Variants in KLHL29 observed in about 807,000 individuals in gnomAD.
KLHL29 encodes kelch like family member 29.
Under a neutral mutation model 80.4 loss-of-function variants are expected in KLHL29, and 21 were observed. The observed-to-expected ratio is 0.26, with a 90% CI of 0.19 to 0.38. The LOEUF is 0.38. Ranked by LOEUF, KLHL29 falls within the 10% of genes least tolerant of loss-of-function variation. KLHL29 has a pLI of 1.00. For missense variants in KLHL29, 867 were observed against 1,223.9 expected (o/e 0.71, Z 4.35); for synonymous variants, 511 against 526.8 (o/e 0.97, Z 0.41).
At chr2:23,388,231 G>A (rs1666233216) in intron 1 of KLHL29, among the ~76,000 whole-genome samples, 1 of 152,206 alleles carries the variant, frequency 6.6e-6, no homozygotes, top group Non-Finnish European at 1.5e-5. Flanking sequence ...AGGTTTGTGG[G>A]AGGTTTATTG....
Position 23,696,439 on chromosome 2 carries a change from T to C in KLHL29, c.2031T>C (p.Asn677=), listed in dbSNP as rs1215219437. The C allele has an allele frequency of 1.3e-6, 2 of 1,551,064 alleles. No individual in the cohort carries two copies. The highest frequency in any genetic ancestry group is 2.4e-5 in the East Asian group (1 of 40,922). ...SRMTVPRCRH[N]SLVYDGKIYT... ...TGACAGTCCCCCGCTGTCGGCACAATAGCCTCGTCTACGATGGGAAGATTT... is the reference window on the plus strand; with the variant it reads ...TGACAGTCCCCCGCTGTCGGCACAACAGCCTCGTCTACGATGGGAAGATTT... Residue 677 remains asparagine (N), a synonymous_variant, in exon 11 of 14, where the codon AAT becomes AAC. Transcript: ENST00000486442. This position sits in a 1 kb window ranked among gnomAD's most constrained non-coding sequence, Gnocchi z 5.5.
At chr2:23,441,497 T>A (rs979658565) in intron 1 of KLHL29, among the ~76,000 whole-genome samples, 1 of 135,392 alleles carries the variant, frequency 7.4e-6, no homozygotes, top group African/African-American at 2.9e-5. Flanking sequence ...ATAATAATAA[T>A]TAATAATAAA....
intron 1 of KLHL29, among the ~76,000 whole-genome samples, chr2:23,386,624 G>A (rs561611386): frequency 1.3e-5 from 2 of 152,230 alleles, no homozygotes; most frequent in East Asian, 3.9e-4. Flanking sequence ...ATGGCCTCGG[G>A]GGGCCGGGGG....
chr2:23,392,845 T>G (rs989881365), intron 1 of KLHL29, among the ~76,000 whole-genome samples: 1 of 152,230 alleles, frequency 6.6e-6, no homozygotes, highest in Non-Finnish European at 1.5e-5. Context: ...CTATACTAAT[T>G]AACATTTTAT....
intron 1 of KLHL29, among the ~76,000 whole-genome samples, chr2:23,411,379 T>TGTGTG (rs1553319829): frequency 9.2e-6 from 1 of 108,944 alleles, no homozygotes; most frequent in South Asian, 4.2e-4. Context: ...GTTGCAAAAA[T>TGTGTG]TGTGTGTGTG....
At chr2:23,612,667 G>A (rs1223574987) in intron 3 of KLHL29, among the ~76,000 whole-genome samples, 5 of 152,084 alleles carry the variant, frequency 3.3e-5, no homozygotes, top group East Asian at 3.9e-4. Context: ...TCTTGAACCC[G>A]GGAGGCTGAG....
At chr2:23,627,055 A>C (rs1268574886) in intron 3 of KLHL29, among the ~76,000 whole-genome samples, 1 of 152,082 alleles carries the variant, frequency 6.6e-6, no homozygotes, top group Non-Finnish European at 1.5e-5. Flanking sequence ...GCTCCTCCCC[A>C]GCACCGCTCC....
At position 23,639,397 on chromosome 2, in the gene KLHL29, C is replaced by A. The variant is rs1189394121; in HGVS notation, c.427+117C>A. 1.2e-5 allele frequency: 12 copies of A among 1,010,456 alleles called. No individual in the cohort carries two copies. In the East Asian group the frequency reaches 3.4e-4, roughly 29 times the overall value. 62.6% of individuals were successfully genotyped at this position (1,010,456 alleles called of 1,614,324 possible). On this transcript the variant is annotated intron_variant, in intron 4 of 13. Transcript: ENST00000486442. Reference sequence around the variant, plus strand: ...GTCTTGAACCCAGGGCCTGCAGAAGCCCCCTCCTCAGGTTCAGGGGGCAAA... The same window carrying A: ...GTCTTGAACCCAGGGCCTGCAGAAGACCCCTCCTCAGGTTCAGGGGGCAAA...
chr2:23,628,467 A>G (rs1420069210), intron 3 of KLHL29, among the ~76,000 whole-genome samples: 9 of 152,086 alleles, frequency 5.9e-5, no homozygotes, highest in Admixed American at 5.9e-4. Flanking sequence ...AGTCATCTCC[A>G]TGCAGGCCTG....
At chr2:23,704,990 T>C (rs1180206739) in intron 13 of KLHL29, among the ~76,000 whole-genome samples, 2 of 152,354 alleles carry the variant, frequency 1.3e-5, no homozygotes, top group East Asian at 3.9e-4. Context: ...TCTGAGGAAG[T>C]TCTATCTGTG....
At chr2:23,482,505 T>C (rs1349634020) in intron 2 of KLHL29, among the ~76,000 whole-genome samples, 1 of 152,172 alleles carries the variant, frequency 6.6e-6, no homozygotes, top group East Asian at 1.9e-4. Flanking sequence ...TGCCTCTTTC[T>C]AACTTGCACA....
chr2:23,442,870 T>C (rs1242894465), intron 1 of KLHL29, among the ~76,000 whole-genome samples: 2 of 152,174 alleles, frequency 1.3e-5, no homozygotes, highest in Non-Finnish European at 2.9e-5. Flanking sequence ...CAGAATCTCA[T>C]GTCATTTTCT....
At chr2:23,650,080 C>T (rs1052256789) in intron 5 of KLHL29, among the ~76,000 whole-genome samples, 3 of 152,226 alleles carry the variant, frequency 2.0e-5, no homozygotes, top group Non-Finnish European at 2.9e-5. Context: ...CTGCATGCCC[C>T]ACGTGGTCTG....
At position 23,489,144 on chromosome 2, in the gene KLHL29, G is replaced by A. The variant is rs551973012; in HGVS notation, c.-46+13477G>A. Among the ~76,000 whole-genome samples, 9 of 152,300 alleles carry A rather than the reference G, an allele frequency of 5.9e-5. No individual in the cohort carries two copies. The East Asian group carries it at 1.2e-3, about 20-fold the overall frequency. ...ACAAAGCAGAGAACATGGCGTTTCC[G>A]TGGGCTCTAACAATGTGACATCCTC... On this transcript the variant is annotated intron_variant, in intron 2 of 13. Coordinates refer to ENST00000486442, the MANE Select transcript of KLHL29 (RefSeq NM_052920.2).
At chr2:23,624,791 C>T (rs1021943495) in intron 3 of KLHL29, among the ~76,000 whole-genome samples, 3 of 152,184 alleles carry the variant, frequency 2.0e-5, no homozygotes, top group Non-Finnish European at 4.4e-5. Context: ...TTCTCGGGTC[C>T]CCTAAAAGTA....
chr2:23,667,636 G>A (rs184901803), intron 5 of KLHL29: 6,648 of 152,738 alleles, frequency 0.044, 164 homozygotes, highest in Non-Finnish European at 0.049. Context: ...CACCACCACT[G>A]CACGGTGCCA....
chr2:23,537,090 C>T (rs1192566168), intron 2 of KLHL29, among the ~76,000 whole-genome samples: 1 of 152,132 alleles, frequency 6.6e-6, no homozygotes, highest in Non-Finnish European at 1.5e-5. Context: ...GCCACCTTGC[C>T]CCTGGATGCC....
intron 6 of KLHL29, chr2:23,690,065 C>G (rs927901202): frequency 1.3e-5 from 2 of 152,180 alleles, no homozygotes; most frequent in Non-Finnish European, 2.9e-5. Flanking sequence ...ACTGTGGCCA[C>G]GCTGGGAGAG....
Position 23,503,211 on chromosome 2 carries a change from A to G in KLHL29, c.-46+27544A>G, listed in dbSNP as rs578028356. Reference sequence around the variant, plus strand: ...TGGAGGCTGCTGTCCTGTGAAGTAGACCTGGCAGGGGATGGCTGCTCCGGG... The same window carrying G: ...TGGAGGCTGCTGTCCTGTGAAGTAGGCCTGGCAGGGGATGGCTGCTCCGGG... On this transcript the variant is annotated intron_variant, in intron 2 of 13. Transcript: ENST00000486442. The surrounding 1 kb of genome is among the most constrained non-coding windows in gnomAD (Gnocchi z 4.0). 5.3e-5 allele frequency among the ~76,000 whole-genome samples: 8 copies of G among 152,138 alleles called. No individual in the cohort carries two copies. The highest frequency in any genetic ancestry group is 8.8e-5 in the Non-Finnish European group (6 of 67,984).
Sources: gnomAD v4.1 joint callset for allele counts (sites outside exome capture counted in the v4.1 genomes callset) on GRCh38, gnomAD v4.1.1 for gene constraint, Gnocchi (gnomAD v3.1) non-coding constraint, MANE v1.5 for transcripts, NCBI Gene and HGNC (gene_info 2026-07-23, HGNC 2026-07-21) for gene names.